Variants in HMGA2 observed in about 807,000 individuals in gnomAD.
HMGA2 encodes the protein high mobility group AT-hook 2.
In HMGA2, 8 loss-of-function variants were observed where a neutral mutation model predicts 19.1. The observed-to-expected ratio is 0.42, with a 90% CI of 0.25 to 0.76. The LOEUF is 0.76. HMGA2 is among the 30% of genes least tolerant of loss of function. The pLI is 0.28. For missense variants in HMGA2, 109 were observed against 136.3 expected, an observed-to-expected ratio of 0.80 and a Z score of 1.00; for synonymous variants, 60 against 48.8, an observed-to-expected ratio of 1.23 and a Z score of -0.96.
At chr12:65,917,620 G>C (rs1875155977) in intron 3 of HMGA2, among the ~76,000 whole-genome samples, 1 of 152,088 alleles carries the variant, frequency 6.6e-6, no homozygotes, top group African/African-American at 2.4e-5. Flanking sequence ...CATAAAACAG[G>C]CAGAAGGGAG....
rs1481878445 is a variant in HMGA2 at position 65,886,143 on chromosome 12, G to C, written c.249+47574G>C. Among the ~76,000 whole-genome samples, 8 of 152,106 alleles carry C rather than the reference G, an allele frequency of 5.3e-5. No homozygotes were observed. The East Asian group carries it at 1.5e-3, about 29-fold the overall frequency. On this transcript the variant is annotated intron_variant, in intron 3 of 4. Coordinates refer to ENST00000403681, the MANE Select transcript of HMGA2 (RefSeq NM_003483.6). ...GAAAAAGATCAGACTTTGAAAACTTGGTTTACATATATATTATATATGTTG... is the reference window on the plus strand; with the variant it reads ...GAAAAAGATCAGACTTTGAAAACTTCGTTTACATATATATTATATATGTTG...
At chr12:65,837,247 G>A (rs930466851) in intron 2 of HMGA2, among the ~76,000 whole-genome samples, 1 of 152,162 alleles carries the variant, frequency 6.6e-6, no homozygotes, top group Admixed American at 6.5e-5. Flanking sequence ...GGATAGTAAT[G>A]CCAGATCAGG....
At chr12:65,851,562 C>T (rs1871467610) in intron 3 of HMGA2, 2 of 364,138 alleles carry the variant, frequency 5.5e-6, no homozygotes, top group African/African-American at 2.2e-5. Context: ...TGGTGGCGGG[C>T]ACCTGTAATT....
At position 65,929,897 on chromosome 12, in the gene HMGA2, G is replaced by A. The variant is rs113603026; in HGVS notation, c.250-21486G>A. ...TGCATTTTTGTAATGTGTCAAGACA[G>A]ATGGCTTTAATAGTCACACATATTA... is the stretch of plus-strand genomic sequence containing the variant. On this transcript the variant is annotated intron_variant, in intron 3 of 4. Coordinates refer to ENST00000403681, the MANE Select transcript of HMGA2 (RefSeq NM_003483.6). 2.9e-4 allele frequency among the ~76,000 whole-genome samples: 44 copies of A among 152,222 alleles called. 1 individual carries two copies. Among genetic ancestry groups the A allele is most frequent in the African/African-American group, 1.1e-3 (44 of 41,532 alleles).
chr12:65,852,360 G>A (rs1007604902), intron 3 of HMGA2, among the ~76,000 whole-genome samples: 33 of 152,166 alleles, frequency 2.2e-4, no homozygotes, highest in Middle Eastern at 3.4e-3. Context: ...AAAATTAGCT[G>A]AGCATGGTGG....
At chr12:65,952,528 T>A in intron 4 of HMGA2, 2 of 1,429,152 alleles carry the variant, frequency 1.4e-6, no homozygotes, top group Non-Finnish European at 1.8e-6. Flanking sequence ...AGAGTTACCA[T>A]GAAAAAAATC....
intron 3 of HMGA2, among the ~76,000 whole-genome samples, chr12:65,891,779 AT>A: frequency 6.6e-6 from 1 of 152,318 alleles, no homozygotes; most frequent in South Asian, 2.1e-4. Context: ...GACTTATCTA[AT>A]AACTGTGGGT....
chr12:65,917,784 T>G (rs1015539591), intron 3 of HMGA2, among the ~76,000 whole-genome samples: 5 of 152,196 alleles, frequency 3.3e-5, no homozygotes, highest in African/African-American at 1.2e-4. Context: ...CTCTAGTTGT[T>G]TCTTTGACAT....
intron 3 of HMGA2, among the ~76,000 whole-genome samples, chr12:65,949,706 T>C (rs778818353): frequency 6.6e-6 from 1 of 152,166 alleles, no homozygotes; most frequent in African/African-American, 2.4e-5. Flanking sequence ...AGAGTTTTGC[T>C]CTACACATAC....
At chr12:65,849,927 C>G (rs1362351782) in intron 3 of HMGA2, among the ~76,000 whole-genome samples, 1 of 151,950 alleles carries the variant, frequency 6.6e-6, no homozygotes, top group Admixed American at 6.6e-5. Flanking sequence ...CCATGTTGGC[C>G]AGGCTGGTCT....
At chr12:65,860,406 C>T (rs539376561) in intron 3 of HMGA2, among the ~76,000 whole-genome samples, 17 of 152,296 alleles carry the variant, frequency 1.1e-4, no homozygotes, top group African/African-American at 3.4e-4. Flanking sequence ...TTCACACCAT[C>T]GTAAAGCCAA....
intron 3 of HMGA2, among the ~76,000 whole-genome samples, chr12:65,908,363 C>G (rs1034899455): frequency 2.2e-4 from 34 of 152,300 alleles, no homozygotes; most frequent in African/African-American, 7.9e-4. Flanking sequence ...TCCAGTCTGT[C>G]TGTTCTACTC....
chr12:65,964,396 A>G lies in HMGA2; in HGVS notation c.*1104A>G, dbSNP rs75519341. On this transcript the variant is annotated 3_prime_UTR_variant, in exon 5 of 5. Transcript: ENST00000403681. ...AGTTTCCATGAAAGACCTGAATACC[A>G]CTTACCTCAAATTAAGCATATGTGT... The G allele has an allele frequency of 1.5e-4, 35 of 226,520 alleles. No homozygotes were observed. Among genetic ancestry groups the G allele is most frequent in the African/African-American group, 7.4e-4 (33 of 44,890 alleles). The allele number at this position is 226,520 out of a possible 1,614,324, so 14.0% of individuals were successfully genotyped here.
At chr12:65,945,724 G>A (rs1876241440) in intron 3 of HMGA2, among the ~76,000 whole-genome samples, 1 of 152,106 alleles carries the variant, frequency 6.6e-6, no homozygotes, top group Non-Finnish European at 1.5e-5. Flanking sequence ...ATGATTACTT[G>A]TCTAGAATTT....
At chr12:65,887,097 TAA>T (rs1047256377) in intron 3 of HMGA2, among the ~76,000 whole-genome samples, 26 of 152,300 alleles carry the variant, frequency 1.7e-4, no homozygotes, top group African/African-American at 5.8e-4. Flanking sequence ...GCGTTTTCTA[TAA>T]AGAGTTCATT....
intron 3 of HMGA2, chr12:65,915,501 T>G: frequency 8.3e-7 from 1 of 1,202,774 alleles, no homozygotes; most frequent in Non-Finnish European, 1.0e-6. Context: ...TGTGGTTTGA[T>G]TTCATAAAAC....
At chr12:65,933,817 A>G (rs894196704) in intron 3 of HMGA2, among the ~76,000 whole-genome samples, 12 of 152,332 alleles carry the variant, frequency 7.9e-5, no homozygotes, top group Admixed American at 7.2e-4. Context: ...CATTTGTAAG[A>G]AGAGTTAACC....
At chr12:65,890,493 T>C (rs1873855079) in intron 3 of HMGA2, among the ~76,000 whole-genome samples, 1 of 152,218 alleles carries the variant, frequency 6.6e-6, no homozygotes, top group South Asian at 2.1e-4. Flanking sequence ...TACTATTTAA[T>C]ATATTTCTAT....
chr12:65,849,734 G>GTTTT (rs1309933646), intron 3 of HMGA2, among the ~76,000 whole-genome samples: 1 of 102,036 alleles, frequency 9.8e-6, no homozygotes, highest in African/African-American at 5.9e-5. Context: ...GGTAGGCTCT[G>GTTTT]TATTTTTTTT....
Sources: allele counts gnomAD v4.1 joint callset (sites outside exome capture counted in the v4.1 genomes callset), GRCh38; gene constraint gnomAD v4.1.1; transcripts MANE v1.5; gene names NCBI Gene and HGNC (gene_info 2026-07-23, HGNC 2026-07-21).